Variants in SV2C observed in about 807,000 individuals in gnomAD.
SV2C encodes solute carrier family 22 member B3.
A neutral mutation model predicts 79.7 loss-of-function variants in SV2C; 49 were observed. That is an observed-to-expected ratio of 0.61 (90% CI 0.49 to 0.78). SV2C has a LOEUF of 0.78. Among genes scored for constraint, SV2C ranks in the 30% least tolerant of loss-of-function variants. The probability of loss-of-function intolerance (pLI) is 0.00; values close to 1 mark genes in which losing one functional copy is unlikely to be tolerated. For synonymous variants in SV2C, 334 were observed against 333.2 expected (o/e 1.00, Z -0.03); for missense variants, 833 against 912.9 (o/e 0.91, Z 1.13).
chr5:75,991,493 AT>A, the SV2C span, among the ~76,000 whole-genome samples: 2 of 150,302 alleles, frequency 1.3e-5, no homozygotes, highest in South Asian at 4.2e-4. Context: ...AATGGTCTTT[AT>A]TTGGAGAGTA....
chr5:76,035,667 T>C, the SV2C span, among the ~76,000 whole-genome samples: 72 of 152,302 alleles, frequency 4.7e-4, 1 homozygote, highest in South Asian at 4.8e-3. Context: ...TACTTCCAAG[T>C]ATGTGGTCAA....
intron 2 of SV2C, among the ~76,000 whole-genome samples, chr5:76,171,944 C>T: frequency 8.4e-6 from 1 of 119,080 alleles, no homozygotes; most frequent in Non-Finnish European, 1.9e-5. Flanking sequence ...GTAGGGGGGT[C>T]AGCCCCCCGC....
At chr5:76,185,742 T>G (rs1282425412) in intron 2 of SV2C, among the ~76,000 whole-genome samples, 2 of 152,250 alleles carry the variant, frequency 1.3e-5, no homozygotes, top group African/African-American at 4.8e-5. Flanking sequence ...AGGCCTGTGA[T>G]GGGAGAGGCT....
chr5:76,129,564 G>A (rs1184114039), intron 1 of SV2C, among the ~76,000 whole-genome samples: 1 of 152,152 alleles, frequency 6.6e-6, no homozygotes, highest in Non-Finnish European at 1.5e-5. Flanking sequence ...CACTTTTCCA[G>A]CCATAACTAT....
chr5:75,971,717 G>A, the SV2C span, among the ~76,000 whole-genome samples: 1,514 of 152,212 alleles, frequency 9.9e-3, 41 homozygotes, highest in African/African-American at 0.035. Flanking sequence ...TCATGGGTAG[G>A]AAGAATCAAT....
Position 76,300,796 on chromosome 5 carries a change from A to G in SV2C, c.1704A>G (p.Gly568=). 6.2e-7 allele frequency: 1 copy of G among 1,614,144 alleles called. No homozygotes were observed. The highest frequency in any genetic ancestry group is 1.7e-5 in the Admixed American group (1 of 60,026). ...KNCSFFHNKT[G]CQITFDDDYS... ...GCTCGTTTTTTCACAACAAGACGGG[A>G]TGTCAGATTACCTTTGATGATGACT... Residue 568 remains glycine, a synonymous_variant, in exon 11 of 13, where the codon GGA becomes GGG. Coordinates refer to ENST00000502798, the MANE Select transcript of SV2C (RefSeq NM_014979.4).
the SV2C span, among the ~76,000 whole-genome samples, chr5:75,934,324 G>A: frequency 2.4e-5 from 1 of 41,504 alleles, no homozygotes; most frequent in African/African-American, 2.5e-4. Flanking sequence ...TTTTTTCACT[G>A]TCGCTGGGCT....
At chr5:76,315,637 G>T (rs550972274) in intron 12 of SV2C, among the ~76,000 whole-genome samples, 3 of 152,178 alleles carry the variant, frequency 2.0e-5, no homozygotes, top group Admixed American at 1.3e-4. Context: ...GAAGGGTAGC[G>T]TGGAGGGAAT....
chr5:75,938,017 T>A, the SV2C span, among the ~76,000 whole-genome samples: 1 of 152,032 alleles, frequency 6.6e-6, no homozygotes. Flanking sequence ...CAAGTATAGG[T>A]TTTGCTGTCT....
chr5:76,337,438 C>T (rs60514411), downstream of SV2C, among the ~76,000 whole-genome samples: 1 of 152,058 alleles, frequency 6.6e-6, no homozygotes, highest in Non-Finnish European at 1.5e-5. Context: ...TGAGGCACTG[C>T]GGGGTTGGGA....
the SV2C span, among the ~76,000 whole-genome samples, chr5:75,940,890 G>A: frequency 5.3e-5 from 8 of 152,112 alleles, no homozygotes; most frequent in African/African-American, 9.7e-5. Flanking sequence ...GTAATTTTGC[G>A]CTTGCTTCAC....
chr5:76,344,007 C>G (rs1314861992), intron 12 of SV2C, among the ~76,000 whole-genome samples: 1 of 136,230 alleles, frequency 7.3e-6, no homozygotes, highest in Non-Finnish European at 1.7e-5. Flanking sequence ...GGCAACAAAG[C>G]AAGACCATCT....
At chr5:75,973,791 G>A in the SV2C span, among the ~76,000 whole-genome samples, 2 of 151,998 alleles carry the variant, frequency 1.3e-5, no homozygotes, top group East Asian at 1.9e-4. Context: ...AATGAATGAT[G>A]TATGGTGTCT....
chr5:76,288,725 T>C (rs1236675867), intron 6 of SV2C, among the ~76,000 whole-genome samples: 1 of 152,228 alleles, frequency 6.6e-6, no homozygotes, highest in Non-Finnish European at 1.5e-5. Context: ...ATAAGATGGA[T>C]ATACTCCAAA....
chr5:75,935,844 A>G, the SV2C span, among the ~76,000 whole-genome samples: 1 of 152,218 alleles, frequency 6.6e-6, no homozygotes, highest in Non-Finnish European at 1.5e-5. Context: ...CAGGTTTTCT[A>G]TTCATTTCTG....
At chr5:76,099,357 C>A (rs1747663964) in intron 1 of SV2C, among the ~76,000 whole-genome samples, 1 of 134,672 alleles carries the variant, frequency 7.4e-6, no homozygotes, top group Admixed American at 7.7e-5. Flanking sequence ...TTAGTGCTTT[C>A]TTTTGCTCGT....
At chr5:76,001,799 T>C in the SV2C span, among the ~76,000 whole-genome samples, 36 of 152,074 alleles carry the variant, frequency 2.4e-4, no homozygotes, top group Non-Finnish European at 1.5e-4. Context: ...GTCATGAACC[T>C]TGTTTTTAAA....
At chr5:75,881,510 C>G in the SV2C span, among the ~76,000 whole-genome samples, 1 of 152,108 alleles carries the variant, frequency 6.6e-6, no homozygotes, top group African/African-American at 2.4e-5. Context: ...AGAGGTCCTT[C>G]ACATCCCTTG....
At chr5:76,043,112 G>A in the SV2C span, among the ~76,000 whole-genome samples, 2 of 152,128 alleles carry the variant, frequency 1.3e-5, no homozygotes, top group Admixed American at 6.5e-5. Context: ...AGACTTCCAC[G>A]CAATAACGAA....
Sources: allele counts gnomAD v4.1 joint callset (sites outside exome capture counted in the v4.1 genomes callset), GRCh38; gene constraint gnomAD v4.1.1; transcripts MANE v1.5; gene names NCBI Gene and HGNC (gene_info 2026-07-23, HGNC 2026-07-21).